SLC2A13: variants seen among roughly 807,000 people sequenced by gnomAD.
The protein encoded by SLC2A13 is proton myo-inositol cotransporter.
Under a neutral mutation model 64.4 loss-of-function variants are expected in SLC2A13, and 32 were observed. That is an observed-to-expected ratio of 0.50 (90% CI 0.37 to 0.67). The LOEUF (loss-of-function observed/expected upper bound fraction) is 0.67, where lower values mean the gene tolerates loss of function less well. Among genes scored for constraint, SLC2A13 ranks in the 30% least tolerant of loss-of-function variants. The probability of loss-of-function intolerance (pLI) is 0.00; values close to 1 mark genes in which losing one functional copy is unlikely to be tolerated. For missense variants in SLC2A13, 743 were observed against 829.2 expected, an observed-to-expected ratio of 0.90 and a Z score of 1.28; for synonymous variants, 338 against 327.1, an observed-to-expected ratio of 1.03 and a Z score of -0.36.
intron 1 of SLC2A13, among the ~76,000 whole-genome samples, chr12:40,102,798 T>C (rs1459156525): frequency 1.3e-5 from 2 of 152,202 alleles, no homozygotes; most frequent in Middle Eastern, 3.2e-3. Flanking sequence ...CCCATTTCCT[T>C]GTAGCTTAAA....
intron 1 of SLC2A13, among the ~76,000 whole-genome samples, chr12:40,069,730 T>A (rs1937879872): frequency 6.6e-6 from 1 of 152,066 alleles, no homozygotes; most frequent in South Asian, 2.1e-4. Flanking sequence ...CTAACAAATA[T>A]CTCATGTTTT....
chr12:39,959,749 G>A (rs1946376587), intron 3 of SLC2A13, among the ~76,000 whole-genome samples: 1 of 152,024 alleles, frequency 6.6e-6, no homozygotes, highest in South Asian at 2.1e-4. Context: ...AAGAATTACT[G>A]TTCTAGAAAA....
At chr12:40,018,431 A>C (rs991482406) in intron 3 of SLC2A13, among the ~76,000 whole-genome samples, 1 of 152,176 alleles carries the variant, frequency 6.6e-6, no homozygotes, top group African/African-American at 2.4e-5. Flanking sequence ...TTAAAAGATC[A>C]CCATTCTACT....
chr12:40,023,737 C>G (rs1269506260), intron 3 of SLC2A13, among the ~76,000 whole-genome samples: 1 of 152,206 alleles, frequency 6.6e-6, no homozygotes, highest in African/African-American at 2.4e-5. Context: ...AATATCATCT[C>G]TAATGAATTT....
chr12:39,893,112 A>G (rs1262728878), intron 4 of SLC2A13, among the ~76,000 whole-genome samples: 1 of 152,232 alleles, frequency 6.6e-6, no homozygotes, highest in Non-Finnish European at 1.5e-5. Context: ...ATCCACAAGT[A>G]TTAAATGAAA....
chr12:39,927,789 A>G lies in SLC2A13; in HGVS notation c.1034+23468T>C, dbSNP rs77569516. On this transcript the variant is annotated intron_variant, in intron 4 of 9. Coordinates refer to ENST00000280871, the MANE Select transcript of SLC2A13 (RefSeq NM_052885.4). ...TAATTTGACAAGTTTATTAAGCTTT[A>G]CAATGTTCAAAATACTACGCCAGAG... Among the ~76,000 whole-genome samples the G allele has an allele frequency of 3.2e-4, 49 of 152,276 alleles. 1 individual carries two copies. In the East Asian group the frequency reaches 9.4e-3, roughly 29 times the overall value.
chr12:39,979,695 G>T (rs1946851895), intron 3 of SLC2A13, among the ~76,000 whole-genome samples: 1 of 100,906 alleles, frequency 9.9e-6, no homozygotes. Context: ...ATCTACGTCT[G>T]ATTGGTGTAC....
At chr12:39,786,596 A>G (rs6581336) in intron 7 of SLC2A13, among the ~76,000 whole-genome samples, 144,175 of 152,262 alleles carry the variant, frequency 0.95, 68,379 homozygotes, top group East Asian at 1. Flanking sequence ...CAAGGAGAGC[A>G]TGATATTCAG....
At chr12:39,849,567 A>G (rs530182330) in intron 6 of SLC2A13, among the ~76,000 whole-genome samples, 2 of 152,276 alleles carry the variant, frequency 1.3e-5, no homozygotes, top group South Asian at 4.1e-4. Context: ...CTGAGGTGGT[A>G]AATTGTTCCT....
chr12:39,822,047 C>T (rs957513682), intron 7 of SLC2A13, among the ~76,000 whole-genome samples: 1 of 150,136 alleles, frequency 6.7e-6, no homozygotes, highest in Admixed American at 6.6e-5. Context: ...TTAGGTATAT[C>T]TCCCAATGCT....
At position 40,004,622 on chromosome 12, in the gene SLC2A13, T is replaced by G. The variant is rs965851341; in HGVS notation, c.925+23679A>C. ...ATGAGTAAAGGACAGATTTTTTTTTTTTTTTCACAGTTCTAGAGGCTAAAA... is the reference window on the plus strand; with the variant it reads ...ATGAGTAAAGGACAGATTTTTTTTTGTTTTTCACAGTTCTAGAGGCTAAAA... On this transcript the variant is annotated intron_variant, in intron 3 of 9. Coordinates refer to ENST00000280871, the MANE Select transcript of SLC2A13 (RefSeq NM_052885.4). Among the ~76,000 whole-genome samples the G allele has an allele frequency of 2.0e-5, 3 of 151,828 alleles. No homozygotes were observed. The East Asian group carries it at 5.8e-4, about 29-fold the overall frequency.
chr12:40,103,231 T>A (rs1245806749), intron 1 of SLC2A13, among the ~76,000 whole-genome samples: 1 of 152,210 alleles, frequency 6.6e-6, no homozygotes, highest in Non-Finnish European at 1.5e-5. Context: ...TCCCCAAGTA[T>A]GCCCTATGCT....
At chr12:39,941,002 A>G (rs540826089) in intron 4 of SLC2A13, among the ~76,000 whole-genome samples, 14 of 152,234 alleles carry the variant, frequency 9.2e-5, no homozygotes, top group African/African-American at 2.6e-4. Context: ...TTAGAATAAT[A>G]GTCTCCAATC....
chr12:40,014,904 T>G (rs928621883), intron 3 of SLC2A13, among the ~76,000 whole-genome samples: 1 of 152,234 alleles, frequency 6.6e-6, no homozygotes, highest in Non-Finnish European at 1.5e-5. Flanking sequence ...AAATGTTTTA[T>G]GCAAATGACT....
intron 1 of SLC2A13, among the ~76,000 whole-genome samples, chr12:40,093,945 T>C: frequency 6.6e-6 from 1 of 152,074 alleles, no homozygotes; most frequent in South Asian, 2.1e-4. Context: ...ATTCTGGCTC[T>C]CATGTGTATA....
chr12:39,969,176 C>T (rs1234720978), intron 3 of SLC2A13, among the ~76,000 whole-genome samples: 1 of 152,180 alleles, frequency 6.6e-6, no homozygotes, highest in Non-Finnish European at 1.5e-5. Context: ...ATATGTGCCA[C>T]ATTTTCTTAA....
chr12:40,079,475 T>C (rs1427599568), intron 1 of SLC2A13, among the ~76,000 whole-genome samples: 1 of 152,158 alleles, frequency 6.6e-6, no homozygotes, highest in Non-Finnish European at 1.5e-5. Context: ...GAAAGACTGG[T>C]TGGTAGGGTT....
At chr12:39,932,027 TAAC>T (rs1472117956) in intron 4 of SLC2A13, among the ~76,000 whole-genome samples, 1 of 152,128 alleles carries the variant, frequency 6.6e-6, no homozygotes, top group African/African-American at 2.4e-5. Context: ...TTGCACAATA[TAAC>T]TTGGCAATCT....
intron 7 of SLC2A13, among the ~76,000 whole-genome samples, chr12:39,787,921 C>T (rs1941248927): frequency 6.6e-6 from 1 of 152,140 alleles, no homozygotes; most frequent in Non-Finnish European, 1.5e-5. Flanking sequence ...GCAGTATTGT[C>T]ACCTACAAAA....
Sources: allele counts gnomAD v4.1 joint callset (sites outside exome capture counted in the v4.1 genomes callset), GRCh38; gene constraint gnomAD v4.1.1; transcripts MANE v1.5; gene names NCBI Gene and HGNC (gene_info 2026-07-23, HGNC 2026-07-21).